Variants in SPATA6 observed in about 807,000 individuals in gnomAD.
SPATA6 encodes spermatogenesis associated 6, also known as spermatogenesis-associated protein 6.
A neutral mutation model predicts 65.3 loss-of-function variants in SPATA6; 56 were observed. The ratio of observed to expected loss-of-function variants is 0.86; its 90% confidence interval spans 0.69 to 1.07. The LOEUF (loss-of-function observed/expected upper bound fraction) is 1.07. SPATA6 is among the 50% of genes least tolerant of loss of function. The pLI, the probability that SPATA6 is intolerant of heterozygous loss-of-function variation, is 0.00. For missense variants in SPATA6, 590 were observed against 594.8 expected, an observed-to-expected ratio of 0.99 and a Z score of 0.08; for synonymous variants, 199 against 213.2, an observed-to-expected ratio of 0.93 and a Z score of 0.58.
the SPATA6 span, among the ~76,000 whole-genome samples, chr1:48,273,611 G>A: frequency 6.6e-6 from 1 of 152,142 alleles, no homozygotes; most frequent in Non-Finnish European, 1.5e-5. Context: ...CTGTTCCTGT[G>A]TTAGTTTGCT....
At chr1:48,338,691 G>A (rs907514969) in intron 11 of SPATA6, among the ~76,000 whole-genome samples, 2 of 151,978 alleles carry the variant, frequency 1.3e-5, no homozygotes, top group African/African-American at 4.8e-5. Flanking sequence ...TTGAAAACAG[G>A]AAAGGCCTCA....
intron 3 of SPATA6, chr1:48,435,989 GC>G: frequency 6.2e-7 from 1 of 1,605,414 alleles, no homozygotes; most frequent in Non-Finnish European, 8.5e-7. Flanking sequence ...GATTGCTTCT[GC>G]ACTTCAAGAA....
rs543975379 is a variant in SPATA6, at chr1:48,341,382, ATGCTGTCC to A, written c.1194+14280_1194+14287del. Among the ~76,000 whole-genome samples the A allele has an allele frequency of 9.3e-3, 1,410 of 152,306 alleles. 15 individuals are homozygous for A. The highest frequency in any genetic ancestry group is 0.015 in the Non-Finnish European group (999 of 68,014). On this transcript the variant is annotated intron_variant, in intron 11 of 12. Transcript: ENST00000371847. The stretch of plus-strand genomic sequence containing the variant: ...ATTCTGAGTAGCATGATAAAATCTT[ATGCTGTCC>A]TGCTCCGTCTGCCCAGGACATGAAT...
chr1:48,449,754 G>A (rs1656391821), intron 3 of SPATA6, among the ~76,000 whole-genome samples: 1 of 152,196 alleles, frequency 6.6e-6, no homozygotes, highest in Middle Eastern at 3.2e-3. Flanking sequence ...ATCTTATTAA[G>A]AAATTACTGA....
At chr1:48,277,478 A>G in the SPATA6 span, among the ~76,000 whole-genome samples, 1 of 152,232 alleles carries the variant, frequency 6.6e-6, no homozygotes, top group South Asian at 2.1e-4. Flanking sequence ...TCCCACCCCA[A>G]TACTGCGCTT....
intron 11 of SPATA6, among the ~76,000 whole-genome samples, chr1:48,306,412 T>G (rs1645063705): frequency 6.6e-6 from 1 of 151,918 alleles, no homozygotes; most frequent in Non-Finnish European, 1.5e-5. Context: ...AAATATATGG[T>G]TACCCCCACC....
chr1:48,462,436 G>A (rs1037722318), intron 1 of SPATA6, among the ~76,000 whole-genome samples: 26 of 152,248 alleles, frequency 1.7e-4, no homozygotes, highest in Non-Finnish European at 1.5e-4. Context: ...TACACCCAGT[G>A]CAAAACAGAA....
In SPATA6 at chr1:48,325,274, A is replaced by G. The variant is rs187543019; in HGVS notation, c.1195-19396T>C. 87 of 928,124 alleles carry G rather than the reference A, an allele frequency of 9.4e-5. No homozygotes were observed. In the African/African-American group the frequency reaches 1.3e-3, roughly 13 times the overall value. 57.5% of individuals were successfully genotyped at this position (928,124 alleles called of 1,614,324 possible). On this transcript the variant is annotated intron_variant, in intron 11 of 12. Transcript: ENST00000371847. ...TGGATATGGCATAAACAAGCCACCA[A>G]TGAGTGCTGTCTTGTGGAAACTGGG...
intron 11 of SPATA6, among the ~76,000 whole-genome samples, chr1:48,353,999 GAAGAATCTACA>G (rs1206520514): frequency 1.3e-5 from 2 of 151,958 alleles, no homozygotes; most frequent in African/African-American, 4.8e-5. Flanking sequence ...GGACTCATAT[GAAGAATCTACA>G]AAGAAATCTT....
At chr1:48,314,081 C>A (rs1570061561) in intron 11 of SPATA6, among the ~76,000 whole-genome samples, 1 of 152,092 alleles carries the variant, frequency 6.6e-6, no homozygotes, top group African/African-American at 2.4e-5. Context: ...GACTCCCACA[C>A]AATAATAATG....
downstream of SPATA6, among the ~76,000 whole-genome samples, chr1:48,291,331 G>A (rs72887978): frequency 0.025 from 3,745 of 152,232 alleles, 99 homozygotes; most frequent in African/African-American, 0.067. Flanking sequence ...CTACCAGGGC[G>A]GGTAGAGAAA....
At chr1:48,276,157 G>C in the SPATA6 span, among the ~76,000 whole-genome samples, 7 of 152,110 alleles carry the variant, frequency 4.6e-5, no homozygotes, top group African/African-American at 1.4e-4. Flanking sequence ...GATGGTATTT[G>C]TATTTCTGTG....
At chr1:48,349,346 A>G (rs191186933) in intron 11 of SPATA6, among the ~76,000 whole-genome samples, 158 of 152,108 alleles carry the variant, frequency 1.0e-3, no homozygotes, top group African/African-American at 3.7e-3. Context: ...TATAGTGACT[A>G]TGTAGTTCTT....
At chr1:48,317,292 G>A (rs1002208956) in intron 11 of SPATA6, among the ~76,000 whole-genome samples, 5 of 152,144 alleles carry the variant, frequency 3.3e-5, no homozygotes, top group Non-Finnish European at 7.3e-5. Flanking sequence ...GTCCAACAAT[G>A]ATAGACTGGA....
intron 7 of SPATA6, 70 bp from the exon 8 acceptor site, chr1:48,395,424 G>C: frequency 9.2e-7 from 1 of 1,086,190 alleles, no homozygotes; most frequent in East Asian, 2.9e-5. Context: ...CATGGTACCA[G>C]AAAAACTACT....
At chr1:48,286,647 T>C in the SPATA6 span, among the ~76,000 whole-genome samples, 1 of 152,186 alleles carries the variant, frequency 6.6e-6, no homozygotes, top group Non-Finnish European at 1.5e-5. Context: ...TTTTAAAATT[T>C]TGACTGATTA....
At chr1:48,300,671 A>C (rs1644915153) in intron 12 of SPATA6, among the ~76,000 whole-genome samples, 1 of 152,214 alleles carries the variant, frequency 6.6e-6, no homozygotes, top group African/African-American at 2.4e-5. Context: ...ACAGAATATT[A>C]GAAAATTGAA....
intron 11 of SPATA6, among the ~76,000 whole-genome samples, chr1:48,323,515 G>T (rs1301508516): frequency 2.0e-5 from 3 of 151,410 alleles, no homozygotes; most frequent in Non-Finnish European, 4.4e-5. Context: ...CATGTATACT[G>T]ATGTTAAAAA....
At chr1:48,315,127 G>A (rs911240185) in intron 11 of SPATA6, among the ~76,000 whole-genome samples, 2 of 152,122 alleles carry the variant, frequency 1.3e-5, no homozygotes, top group African/African-American at 4.8e-5. Flanking sequence ...GGAGGAGCTG[G>A]TACCATTCCT....
Sources: gnomAD v4.1 joint callset for allele counts (sites outside exome capture counted in the v4.1 genomes callset) on GRCh38, gnomAD v4.1.1 for gene constraint, MANE v1.5 for transcripts, NCBI Gene and HGNC (gene_info 2026-07-23, HGNC 2026-07-21) for gene names.